Variants in PREX2 observed in about 807,000 individuals in gnomAD.
The protein encoded by PREX2 is phosphatidylinositol-3,4,5-trisphosphate dependent Rac exchange factor 2.
A neutral mutation model predicts 203.2 loss-of-function variants in PREX2; 107 were observed. The observed-to-expected ratio is 0.53, with a 90% CI of 0.45 to 0.62. The LOEUF (loss-of-function observed/expected upper bound fraction) is 0.62. Ranked by LOEUF, PREX2 falls within the 20% of genes least tolerant of loss-of-function variation. PREX2 has a pLI of 0.00. For synonymous variants in PREX2, 672 were observed against 663.6 expected (o/e 1.01, Z -0.19); for missense variants, 1,777 against 1,955.9 (o/e 0.91, Z 1.72).
At chr8:68,158,210 T>C (rs1385141593) in intron 35 of PREX2, among the ~76,000 whole-genome samples, 1 of 151,430 alleles carries the variant, frequency 6.6e-6, no homozygotes, top group African/African-American at 2.4e-5. Flanking sequence ...AATTACCCTG[T>C]TGACAGATCA....
chr8:68,184,549 A>G (rs1344291403), intron 35 of PREX2, among the ~76,000 whole-genome samples: 1 of 152,232 alleles, frequency 6.6e-6, no homozygotes, highest in South Asian at 2.1e-4. Flanking sequence ...GGAGAAGTAT[A>G]TATCTGTCTG....
At chr8:67,957,477 C>T (rs1210653740) in intron 1 of PREX2, among the ~76,000 whole-genome samples, 1 of 152,176 alleles carries the variant, frequency 6.6e-6, no homozygotes, top group Non-Finnish European at 1.5e-5. Context: ...GTCACCCTGG[C>T]TTCTCTGTGC....
At chr8:68,060,862 A>G (rs572376091) in intron 11 of PREX2, 83 bp downstream of exon 11, 21 of 868,102 alleles carry the variant, frequency 2.4e-5, no homozygotes, top group Non-Finnish European at 3.4e-5. Flanking sequence ...TTAGTTTACA[A>G]TTCCCCACAT....
At chr8:67,994,274 G>C (rs1256652978) in intron 1 of PREX2, among the ~76,000 whole-genome samples, 1 of 152,146 alleles carries the variant, frequency 6.6e-6, no homozygotes, top group Non-Finnish European at 1.5e-5. Context: ...CACAGCTAAC[G>C]CTTAAGAAGA....
intron 10 of PREX2, 34 bp downstream of exon 10, chr8:68,056,008 T>C (rs375400819): frequency 1.1e-4 from 167 of 1,576,530 alleles, no homozygotes; most frequent in Middle Eastern, 1.7e-4. Context: ...TGACTTTCTT[T>C]TACATTCTCA....
chr8:68,166,479 C>A (rs1400015065), intron 35 of PREX2, among the ~76,000 whole-genome samples: 1 of 152,114 alleles, frequency 6.6e-6, no homozygotes, highest in Non-Finnish European at 1.5e-5. Flanking sequence ...CCTGAATAAA[C>A]ACTTTGATTA....
Position 67,976,572 on chromosome 8 carries a change from G to C in PREX2, c.141+24037G>C, listed in dbSNP as rs571360893. On this transcript the variant is annotated intron_variant, in intron 1 of 39. Transcript: ENST00000288368. ...AGACAGAGAGAGAGAGACAGAGACA[G>C]AGACAGAGAGAGAGATGGGAGAGAG... 7.8e-4 allele frequency among the ~76,000 whole-genome samples: 95 copies of C among 121,652 alleles called. 5 individuals are homozygous for C. The highest frequency in any genetic ancestry group is 2.7e-3 in the African/African-American group (81 of 30,200). 79.8% of individuals were successfully genotyped at this position (121,652 alleles called of 152,430 possible).
intron 35 of PREX2, among the ~76,000 whole-genome samples, chr8:68,188,266 T>TA (rs1452138580): frequency 6.6e-6 from 1 of 152,142 alleles, no homozygotes; most frequent in Non-Finnish European, 1.5e-5. Flanking sequence ...AAACCATTTT[T>TA]AAGAGGATGA....
In PREX2 at chr8:68,231,455, C is replaced by A. The variant is rs1256801040; in HGVS notation, c.*77C>A. On this transcript the variant is annotated 3_prime_UTR_variant, in exon 40 of 40. Transcript: ENST00000288368. The stretch of plus-strand genomic sequence containing the variant: ...ACAAACTACATGCTGGCTAAACATT[C>A]TCCACTGAAGATACATCAATGCTTT... 10 of 1,099,816 alleles carry A rather than the reference C, an allele frequency of 9.1e-6. No homozygotes were observed. The highest frequency in any genetic ancestry group is 3.3e-5 in the South Asian group (2 of 60,220). The allele number at this position is 1,099,816 out of a possible 1,614,324, so 68.1% of individuals were successfully genotyped here.
At chr8:68,146,837 T>A (rs1811337303) in intron 34 of PREX2, among the ~76,000 whole-genome samples, 1 of 152,190 alleles carries the variant, frequency 6.6e-6, no homozygotes. Flanking sequence ...TTATGTCAAC[T>A]TTTCTTTTTG....
intron 11 of PREX2, among the ~76,000 whole-genome samples, chr8:68,068,675 T>C (rs890929356): frequency 6.6e-6 from 1 of 152,052 alleles, no homozygotes; most frequent in East Asian, 1.9e-4. Context: ...TGTAGCATTG[T>C]GAAGAAACAG....
chr8:68,052,937 A>T (rs1808564065), intron 8 of PREX2, among the ~76,000 whole-genome samples, 160 bp from the exon 9 acceptor site: 1 of 152,202 alleles, frequency 6.6e-6, no homozygotes. Context: ...AAGCATTCTT[A>T]AAGTTTTTAA....
At chr8:68,155,928 G>A (rs993697070) in intron 34 of PREX2, among the ~76,000 whole-genome samples, 1 of 152,176 alleles carries the variant, frequency 6.6e-6, no homozygotes, top group Non-Finnish European at 1.5e-5. Flanking sequence ...GACAATTTGA[G>A]TAGAGGTGAT....
At chr8:68,032,529 G>A (rs542025926) in intron 6 of PREX2, among the ~76,000 whole-genome samples, 1 of 152,258 alleles carries the variant, frequency 6.6e-6, no homozygotes, top group South Asian at 2.1e-4. Context: ...TTGGCAATTT[G>A]TGATAAGAAC....
chr8:68,153,101 C>T (rs1458423548), intron 34 of PREX2, among the ~76,000 whole-genome samples: 1 of 152,216 alleles, frequency 6.6e-6, no homozygotes. Context: ...GCCATTCTCA[C>T]ATGTCATAAT....
At chr8:68,163,060 G>A (rs1309221343) in intron 35 of PREX2, among the ~76,000 whole-genome samples, 1 of 152,138 alleles carries the variant, frequency 6.6e-6, no homozygotes, top group Non-Finnish European at 1.5e-5. Flanking sequence ...CTAAAATCGT[G>A]TGAATTTGAA....
At chr8:67,992,374 TATTA>T (rs1563488780) in intron 1 of PREX2, among the ~76,000 whole-genome samples, 1 of 152,244 alleles carries the variant, frequency 6.6e-6, no homozygotes, top group Non-Finnish European at 1.5e-5. Context: ...AATTTGTATG[TATTA>T]ATTAGTCTCA....
At chr8:67,992,399 G>A (rs1806636094) in intron 1 of PREX2, among the ~76,000 whole-genome samples, 1 of 152,174 alleles carries the variant, frequency 6.6e-6, no homozygotes, top group Non-Finnish European at 1.5e-5. Flanking sequence ...GTTGAGAAGT[G>A]TAATTAACAT....
intron 37 of PREX2, among the ~76,000 whole-genome samples, chr8:68,198,620 C>T (rs915227823): frequency 1.3e-5 from 2 of 152,206 alleles, no homozygotes; most frequent in African/African-American, 2.4e-5. Flanking sequence ...TTATAAAGCC[C>T]GAAGCATGAG....
Sources: gnomAD v4.1 joint callset for allele counts (sites outside exome capture counted in the v4.1 genomes callset) on GRCh38, gnomAD v4.1.1 for gene constraint, MANE v1.5 for transcripts, NCBI Gene and HGNC (gene_info 2026-07-23, HGNC 2026-07-21) for gene names.